MTUS2: variants seen among roughly 807,000 people sequenced by gnomAD.
The protein encoded by MTUS2 is microtubule-associated tumor suppressor candidate 2.
Under a neutral mutation model 114.1 loss-of-function variants are expected in MTUS2, and 40 were observed. The ratio of observed to expected loss-of-function variants is 0.35; its 90% CI spans 0.27 to 0.46. The LOEUF (loss-of-function observed/expected upper bound fraction) is 0.46. MTUS2 is among the 20% of genes least tolerant of loss of function. The pLI is 1.00. For synonymous variants in MTUS2, 688 were observed against 672.0 expected, an observed-to-expected ratio of 1.02 and a Z score of -0.37; for missense variants, 1,679 against 1,705.4, an observed-to-expected ratio of 0.98 and a Z score of 0.27.
At chr13:28,877,997 G>C (rs753158330) in intron 2 of MTUS2, among the ~76,000 whole-genome samples, 1 of 152,082 alleles carries the variant, frequency 6.6e-6, no homozygotes, top group Non-Finnish European at 1.5e-5. Context: ...TGAGTTCAGG[G>C]CATGGGCTGA....
In MTUS2 at chr13:28,973,277, A is replaced by AG. The variant is rs147260830; in HGVS notation, c.-242-51180_-242-51179insG. Among the ~76,000 whole-genome samples, 107 of 152,342 alleles carry AG rather than the reference A, an allele frequency of 7.0e-4. No homozygotes were observed. In the East Asian group the frequency reaches 0.015, roughly 21 times the overall value. On this transcript the variant is annotated intron_variant, in intron 2 of 15. Transcript: ENST00000612955. ...TAATGAAACAACACTTCTGACAGGT[A>AG]ACTCCATGGACATGAGAGGTATCCT...
At chr13:29,408,438 C>T (rs1157003440) in intron 8 of MTUS2, among the ~76,000 whole-genome samples, 1 of 152,192 alleles carries the variant, frequency 6.6e-6, no homozygotes, top group Non-Finnish European at 1.5e-5. Context: ...ACCCCAGCCT[C>T]CTGAGTAGCT....
At chr13:28,846,055 AAT>A (rs10684198) in intron 2 of MTUS2, among the ~76,000 whole-genome samples, 440 of 143,156 alleles carry the variant, frequency 3.1e-3, no homozygotes, top group African/African-American at 0.01. Flanking sequence ...TTAAAAAAAA[AAT>A]ATATATATAT....
chr13:29,001,636 G>C (rs775365362), intron 2 of MTUS2, among the ~76,000 whole-genome samples: 4 of 152,192 alleles, frequency 2.6e-5, no homozygotes, highest in Non-Finnish European at 4.4e-5. Flanking sequence ...CTGTGCTGAT[G>C]TGGCAGGCAG....
chr13:28,908,708 A>T (rs1273577390), intron 2 of MTUS2, among the ~76,000 whole-genome samples: 1 of 151,572 alleles, frequency 6.6e-6, no homozygotes, highest in African/African-American at 2.4e-5. Flanking sequence ...ATCCCTGAGG[A>T]ATCACCACAC....
chr13:29,501,265 C>T, intron 15 of MTUS2, 71 bp downstream of exon 15: 2 of 1,170,488 alleles, frequency 1.7e-6, no homozygotes, highest in Non-Finnish European at 2.5e-6. Context: ...CATCCAGTTT[C>T]CCTCACTCTG....
chr13:29,050,722 G>A (rs1016142897), intron 4 of MTUS2, among the ~76,000 whole-genome samples: 6 of 152,218 alleles, frequency 3.9e-5, no homozygotes, highest in African/African-American at 1.4e-4. Flanking sequence ...TCTGCCTCAT[G>A]TCTTGAAAAG....
Position 29,016,828 on chromosome 13 carries a change from A to G in MTUS2, c.-242-7629A>G, listed in dbSNP as rs559331749. On this transcript the variant is annotated intron_variant, in intron 2 of 15. Transcript: ENST00000612955. ...GCTATTATATTTTGTGTTATGTGAC[A>G]CCATACATAGCTGCAGAGTCCCTGA... 1.1e-4 allele frequency among the ~76,000 whole-genome samples: 16 copies of G among 152,354 alleles called. No individual in the cohort carries two copies. The East Asian group carries it at 3.1e-3, about 29-fold the overall frequency.
chr13:28,895,432 T>G (rs965942818), intron 2 of MTUS2, among the ~76,000 whole-genome samples: 1 of 152,206 alleles, frequency 6.6e-6, no homozygotes, highest in Admixed American at 6.5e-5. Flanking sequence ...AAAAAAATTA[T>G]AGTTGAGTAT....
chr13:29,017,588 A>G (rs958644035), intron 2 of MTUS2, among the ~76,000 whole-genome samples: 25 of 152,170 alleles, frequency 1.6e-4, no homozygotes, highest in African/African-American at 5.8e-4. Flanking sequence ...TGATGATCAG[A>G]ATATACTTTT....
At chr13:28,996,458 G>A (rs1254922261) in intron 2 of MTUS2, among the ~76,000 whole-genome samples, 1 of 152,176 alleles carries the variant, frequency 6.6e-6, no homozygotes, top group African/African-American at 2.4e-5. Flanking sequence ...GATTGGAATA[G>A]TTTCAGAAGG....
intron 6 of MTUS2, among the ~76,000 whole-genome samples, chr13:29,313,990 G>A (rs1400660969): frequency 1.3e-5 from 2 of 152,102 alleles, no homozygotes; most frequent in Non-Finnish European, 2.9e-5. Context: ...GAAATCTTCA[G>A]CTTTGGAAGC....
At chr13:29,401,261 C>T (rs976067048) in intron 8 of MTUS2, among the ~76,000 whole-genome samples, 1 of 152,188 alleles carries the variant, frequency 6.6e-6, no homozygotes, top group African/African-American at 2.4e-5. Context: ...ACCTAGGCCT[C>T]CCAAAGTGCT....
At chr13:28,932,087 A>G (rs899423224) in intron 2 of MTUS2, among the ~76,000 whole-genome samples, 13 of 152,216 alleles carry the variant, frequency 8.5e-5, no homozygotes, top group African/African-American at 3.1e-4. Flanking sequence ...CATGAAGTCA[A>G]GGAATCATAA....
At chr13:28,975,123 C>T (rs977611917) in intron 2 of MTUS2, among the ~76,000 whole-genome samples, 2 of 152,102 alleles carry the variant, frequency 1.3e-5, no homozygotes, top group African/African-American at 2.4e-5. Flanking sequence ...CTCTTCCGCA[C>T]TTAACCCAGT....
intron 5 of MTUS2, among the ~76,000 whole-genome samples, chr13:29,110,801 A>C (rs1312100275): frequency 6.6e-6 from 1 of 152,182 alleles, no homozygotes; most frequent in African/African-American, 2.4e-5. Context: ...GTTTCTCTAG[A>C]GGTTTATAAA....
intron 6 of MTUS2, among the ~76,000 whole-genome samples, chr13:29,310,915 T>G (rs546691325): frequency 5.3e-5 from 8 of 152,314 alleles, no homozygotes; most frequent in African/African-American, 1.9e-4. Context: ...TCTAGAGACA[T>G]GGACAAGCCT....
At chr13:29,073,096 T>TA (rs1322186000) in intron 4 of MTUS2, among the ~76,000 whole-genome samples, 5 of 152,318 alleles carry the variant, frequency 3.3e-5, no homozygotes, top group Admixed American at 2.6e-4. Context: ...TGTCACTAGA[T>TA]ATTTGTGAAT....
At chr13:29,225,421 A>G (rs953314340) in intron 5 of MTUS2, among the ~76,000 whole-genome samples, 2 of 152,216 alleles carry the variant, frequency 1.3e-5, no homozygotes, top group African/African-American at 4.8e-5. Flanking sequence ...AGATTTTCCT[A>G]TCACAACGGG....
Sources: gnomAD v4.1 joint callset for allele counts (sites outside exome capture counted in the v4.1 genomes callset) on GRCh38, gnomAD v4.1.1 for gene constraint, MANE v1.5 for transcripts, NCBI Gene and HGNC (gene_info 2026-07-23, HGNC 2026-07-21) for gene names.